Variants in SHLD1 observed in about 807,000 individuals in gnomAD.
The protein encoded by SHLD1 is shieldin complex subunit 1.
In SHLD1, 3 loss-of-function variants were observed where a neutral mutation model predicts 5.5. The ratio of observed to expected loss-of-function variants is 0.54; its 90% CI spans 0.25 to 1.40. SHLD1 has a LOEUF of 1.40. Ranked by LOEUF, SHLD1 falls within the 40% of genes most tolerant of loss-of-function variation. The pLI, the probability that SHLD1 is intolerant of heterozygous loss-of-function variation, is 0.15. For missense variants in SHLD1, 210 were observed against 244.4 expected (o/e 0.86, Z 0.94); for synonymous variants, 92 against 94.3 (o/e 0.98, Z 0.14).
chr20:5,790,207 G>T (rs2087119289), intron 2 of SHLD1, among the ~76,000 whole-genome samples: 1 of 152,034 alleles, frequency 6.6e-6, no homozygotes, highest in Non-Finnish European at 1.5e-5. Flanking sequence ...CCCAACCCAG[G>T]GACCTTCTTC....
chr20:5,757,230 C>T (rs1187359150), intron 1 of SHLD1, among the ~76,000 whole-genome samples: 1 of 151,804 alleles, frequency 6.6e-6, no homozygotes, highest in African/African-American at 2.4e-5. Flanking sequence ...AAGTACACCA[C>T]CACGCCCAGC....
At chr20:5,850,699 C>T (rs1432236239) in intron 2 of SHLD1, among the ~76,000 whole-genome samples, 12 of 151,858 alleles carry the variant, frequency 7.9e-5, no homozygotes, top group African/African-American at 1.2e-4. Context: ...TTAGTAGAGA[C>T]GAGGGTTTCA....
chr20:5,805,246 C>T (rs1568511366), intron 2 of SHLD1, among the ~76,000 whole-genome samples: 1 of 152,224 alleles, frequency 6.6e-6, no homozygotes, highest in East Asian at 1.9e-4. Context: ...CGAACTCTGC[C>T]CTCTGGGTTC....
At chr20:5,797,367 C>T (rs1490499493) in intron 2 of SHLD1, among the ~76,000 whole-genome samples, 1 of 152,092 alleles carries the variant, frequency 6.6e-6, no homozygotes, top group African/African-American at 2.4e-5. Flanking sequence ...TCAAGATCAG[C>T]CTGGGCAACA....
At chr20:5,796,914 G>A (rs904430571) in intron 2 of SHLD1, among the ~76,000 whole-genome samples, 1 of 151,476 alleles carries the variant, frequency 6.6e-6, no homozygotes, top group Non-Finnish European at 1.5e-5. Context: ...ACTGTAAATC[G>A]GCATATCACT....
At chr20:5,839,752 C>T (rs973702878) in intron 2 of SHLD1, among the ~76,000 whole-genome samples, 3 of 152,138 alleles carry the variant, frequency 2.0e-5, no homozygotes, top group African/African-American at 7.2e-5. Flanking sequence ...GTAAGATGTT[C>T]CATTAGAAAC....
At chr20:5,767,975 C>CTT (rs71197793) in intron 1 of SHLD1, among the ~76,000 whole-genome samples, 27,963 of 134,536 alleles carry the variant, frequency 0.21, 3,094 homozygotes, top group Non-Finnish European at 0.24. Flanking sequence ...GTGACGAATT[C>CTT]TTTTTTTTTT....
At chr20:5,780,771 A>G (rs1985649385) in intron 2 of SHLD1, among the ~76,000 whole-genome samples, 1 of 152,128 alleles carries the variant, frequency 6.6e-6, no homozygotes, top group African/African-American at 2.4e-5. Context: ...ATTGCTCCTC[A>G]TTCCCAGGCA....
chr20:5,822,193 C>T (rs566653019), intron 2 of SHLD1, among the ~76,000 whole-genome samples: 40 of 152,310 alleles, frequency 2.6e-4, no homozygotes, highest in African/African-American at 9.6e-4. Flanking sequence ...CATGGTGGCT[C>T]ATGCCTGTAA....
chr20:5,769,772 G>A (rs1470052147), intron 1 of SHLD1, among the ~76,000 whole-genome samples: 1 of 152,166 alleles, frequency 6.6e-6, no homozygotes, highest in African/African-American at 2.4e-5. Context: ...GGGAGGCTGA[G>A]ACGGGTGGAT....
chr20:5,825,986 GCCC>G (rs2087661139), intron 2 of SHLD1, among the ~76,000 whole-genome samples: 1 of 152,196 alleles, frequency 6.6e-6, no homozygotes, highest in African/African-American at 2.4e-5. Flanking sequence ...CCACTGGAGA[GCCC>G]CTTGGCCCAC....
chr20:5,758,831 A>T (rs1177135163), intron 1 of SHLD1, among the ~76,000 whole-genome samples: 1 of 151,532 alleles, frequency 6.6e-6, no homozygotes, highest in Non-Finnish European at 1.5e-5. Flanking sequence ...CCTGCAAGTT[A>T]TGAGTTGAAA....
chr20:5,847,465 A>G (rs1209968475), intron 2 of SHLD1, among the ~76,000 whole-genome samples: 1 of 152,200 alleles, frequency 6.6e-6, no homozygotes, highest in Non-Finnish European at 1.5e-5. Flanking sequence ...CTTTCCATGT[A>G]AGAGACGGAA....
rs373691487 is a variant in SHLD1 at position 5,795,797 on chromosome 20, C to T, written c.178+22754C>T. 4.5e-3 allele frequency among the ~76,000 whole-genome samples: 686 copies of T among 151,100 alleles called. 4 individuals carry two copies. Among genetic ancestry groups the T allele is most frequent in the African/African-American group, 0.015 (625 of 41,126 alleles). Reference sequence around the variant, plus strand: ...GAGATCGAGACCATCCTGGCTAACACGGTGAAACCCCGTCTCTACTAAAAA... The same window carrying T: ...GAGATCGAGACCATCCTGGCTAACATGGTGAAACCCCGTCTCTACTAAAAA... On this transcript the variant is annotated intron_variant, in intron 2 of 2. Coordinates refer to ENST00000303142, the MANE Select transcript of SHLD1 (RefSeq NM_152504.4).
At chr20:5,793,627 G>A (rs1333892216) in intron 2 of SHLD1, among the ~76,000 whole-genome samples, 4 of 152,092 alleles carry the variant, frequency 2.6e-5, no homozygotes, top group Non-Finnish European at 5.9e-5. Flanking sequence ...TTTATTTTAG[G>A]GTAAAGTATG....
intron 2 of SHLD1, among the ~76,000 whole-genome samples, chr20:5,817,235 G>A (rs1046517629): frequency 2.6e-5 from 4 of 152,084 alleles, no homozygotes; most frequent in Middle Eastern, 3.4e-3. Flanking sequence ...CCCATGTCTA[G>A]TAATTATGAG....
chr20:5,846,090 G>A (rs1267685008), intron 2 of SHLD1, among the ~76,000 whole-genome samples: 2 of 152,224 alleles, frequency 1.3e-5, no homozygotes, highest in African/African-American at 2.4e-5. Flanking sequence ...TATTACAGAT[G>A]TTACCTTCTC....
At chr20:5,850,851 T>G (rs545859023) in intron 2 of SHLD1, among the ~76,000 whole-genome samples, 6 of 152,292 alleles carry the variant, frequency 3.9e-5, no homozygotes, top group African/African-American at 1.4e-4. Flanking sequence ...TACTCTGCAT[T>G]GCCTCCTGGA....
intron 2 of SHLD1, among the ~76,000 whole-genome samples, chr20:5,815,896 C>A (rs2087523952): frequency 6.6e-6 from 1 of 152,052 alleles, no homozygotes; most frequent in Non-Finnish European, 1.5e-5. Context: ...GTCTGGCCAA[C>A]ATGGCAAAAT....
Sources: gnomAD v4.1 joint callset for allele counts (sites outside exome capture counted in the v4.1 genomes callset) on GRCh38, gnomAD v4.1.1 for gene constraint, MANE v1.5 for transcripts, NCBI Gene and HGNC (gene_info 2026-07-23, HGNC 2026-07-21) for gene names.